CFAP47: variants seen among roughly 807,000 people sequenced by gnomAD.
CFAP47 encodes the protein cilia- and flagella-associated protein 47.
A neutral mutation model predicts 148.1 loss-of-function variants in CFAP47; 29 were observed. That is an observed-to-expected ratio of 0.20 (90% CI 0.15 to 0.27). CFAP47 has a LOEUF of 0.27. CFAP47 is among the 10% of genes least tolerant of loss of function. The probability of loss-of-function intolerance (pLI) is 1.00; values close to 1 mark genes in which losing one functional copy is unlikely to be tolerated. For synonymous variants in CFAP47, 664 were observed against 577.3 expected (o/e 1.15, Z -2.15); for missense variants, 1,872 against 1,697.5 (o/e 1.10, Z -1.81).
chrX:36,251,315 C>T lies in CFAP47; in HGVS notation c.7333-18C>T. On this transcript the variant is annotated intron_variant, in intron 48 of 63. Transcript: ENST00000378653. ...TGTTGATACTACATAATTCTTGTTTCTGAATTATCTCTTATAGGTAACTGC... is the reference window on the plus strand; with the variant it reads ...TGTTGATACTACATAATTCTTGTTTTTGAATTATCTCTTATAGGTAACTGC... 8.4e-6 allele frequency: 4 copies of T among 478,482 alleles called. No individual in the cohort carries two copies. The highest frequency in any genetic ancestry group is 2.4e-5 in the African/African-American group (1 of 42,011). The allele number at this position is 478,482 out of a possible 1,213,427, so 39.4% of individuals were successfully genotyped here. A position where few individuals can be genotyped will look rare whatever the true frequency, so the allele number is the denominator to read the frequency against.
intron 22 of CFAP47, among the ~76,000 whole-genome samples, chrX:36,023,181 A>C (rs1406766208): frequency 3.6e-5 from 4 of 112,650 alleles, no homozygotes; most frequent in Non-Finnish European, 7.5e-5. Flanking sequence ...GGGGCACCCC[A>C]AGCCCAATAA....
chrX:35,962,221 T>C (rs1601903048), intron 8 of CFAP47, among the ~76,000 whole-genome samples: 1 of 112,139 alleles, frequency 8.9e-6, no homozygotes, highest in African/African-American at 3.2e-5. Flanking sequence ...GAGGCTTATT[T>C]CACAGACTAA....
rs868480054 is a variant in CFAP47, at chrX:36,073,233, C to T, written c.4560C>T (p.Phe1520=). ...GSLEKEKYEQ[F]LSLEEGTKAH... is the part of the protein sequence containing the mutation. ...TGGAAAAGGAAAAATATGAACAATTCCTTTCTCTTGAGGAAGGAACAAAGG... is the reference window on the plus strand; with the variant it reads ...TGGAAAAGGAAAAATATGAACAATTTCTTTCTCTTGAGGAAGGAACAAAGG... Residue 1520 remains phenylalanine, a synonymous_variant, in exon 29 of 64, where the codon TTC becomes TTT. Transcript: ENST00000378653. 1.7e-6 allele frequency: 2 copies of T among 1,208,575 alleles called. No homozygotes were observed. Among genetic ancestry groups the T allele is most frequent in the Admixed American group, 2.2e-5 (1 of 45,918 alleles).
chrX:36,122,595 G>A (rs1051648088), intron 33 of CFAP47, among the ~76,000 whole-genome samples: 3 of 111,286 alleles, frequency 2.7e-5, no homozygotes, highest in African/African-American at 9.8e-5. Flanking sequence ...GGACTTTGAT[G>A]TATTTTTTAG....
intron 33 of CFAP47, among the ~76,000 whole-genome samples, chrX:36,122,933 G>A (rs1471521811): frequency 9.0e-6 from 1 of 111,326 alleles, no homozygotes; most frequent in Non-Finnish European, 1.9e-5. Flanking sequence ...GGGCTTGTTT[G>A]TACCCATACT....
At chrX:36,366,462 G>T (rs1315365577) in intron 61 of CFAP47, among the ~76,000 whole-genome samples, 2 of 111,969 alleles carry the variant, frequency 1.8e-5, no homozygotes, top group Non-Finnish European at 3.8e-5. Flanking sequence ...TTTAAAAACT[G>T]CCATTTAAGT....
chrX:35,929,190 A>T (rs1229360482), intron 2 of CFAP47, among the ~76,000 whole-genome samples: 1 of 111,718 alleles, frequency 9.0e-6, no homozygotes, highest in Non-Finnish European at 1.9e-5. Context: ...CAAAAAAAAA[A>T]TAACTTGCTG....
intron 58 of CFAP47, among the ~76,000 whole-genome samples, chrX:36,348,923 A>G (rs1221395895): frequency 5.4e-5 from 6 of 111,663 alleles, no homozygotes; most frequent in African/African-American, 1.6e-4. Flanking sequence ...TTTGTCCTAC[A>G]TGTGCATATT....
intron 60 of CFAP47, among the ~76,000 whole-genome samples, chrX:36,355,651 TACTC>T (rs1396773562): frequency 2.7e-5 from 3 of 111,616 alleles, no homozygotes; most frequent in African/African-American, 9.7e-5. Flanking sequence ...AAATTTGAAA[TACTC>T]AATCTCATAG....
rs1935873821 is a variant in CFAP47, at chrX:35,934,142, T to A, written c.402-7141T>A. Among the ~76,000 whole-genome samples the A allele has an allele frequency of 3.6e-5, 4 of 111,311 alleles. No homozygotes were observed. The Admixed American group carries it at 3.8e-4, about 11-fold the overall frequency. On this transcript the variant is annotated intron_variant, in intron 2 of 63. Transcript: ENST00000378653. ...TGTGGGGTGCTACTCAAGAAATCTA[T>A]GCTCAGTCTAATGTTCTGAAGAGTT...
rs192155555 is a variant in CFAP47 at position 36,226,225 on chromosome X, A to C, written c.6818-2403A>C. Among the ~76,000 whole-genome samples the C allele has an allele frequency of 4.8e-4, 54 of 111,800 alleles. No homozygotes were observed. The East Asian group carries it at 0.015, about 31-fold the overall frequency. On this transcript the variant is annotated intron_variant, in intron 45 of 63. Coordinates refer to ENST00000378653, the MANE Select transcript of CFAP47 (RefSeq NM_001304548.2). ...CAAGGAGGAAGTCACACATATCCAT[A>C]AATCCATGCCCTTTAAGGCATACTT...
intron 2 of CFAP47, among the ~76,000 whole-genome samples, chrX:35,938,399 G>T (rs1040381850): frequency 9.0e-5 from 10 of 110,887 alleles, no homozygotes; most frequent in African/African-American, 2.9e-4. Context: ...AAATATACTT[G>T]CTATAGTCAT....
rs781862817 is a variant in CFAP47 at position 36,273,340 on chromosome X, G to A, written c.7445-7147G>A. 5.4e-5 allele frequency among the ~76,000 whole-genome samples: 6 copies of A among 111,513 alleles called. No homozygotes were observed. The South Asian group carries it at 2.2e-3, about 41-fold the overall frequency. On this transcript the variant is annotated intron_variant, in intron 49 of 63. Transcript: ENST00000378653. ...CACTTAATGTTTAGCAAAGAAACAA[G>A]TCTGTTTTTCAAAATTAAAACTTGT...
chrX:36,070,262 A>G (rs573397922), intron 27 of CFAP47, among the ~76,000 whole-genome samples: 1 of 111,729 alleles, frequency 9.0e-6, no homozygotes, highest in Non-Finnish European at 1.9e-5. Flanking sequence ...GGATAAATAC[A>G]TGTTTTAAAT....
At chrX:35,973,310 C>T (rs1048759760) in intron 13 of CFAP47, among the ~76,000 whole-genome samples, 1 of 110,763 alleles carries the variant, frequency 9.0e-6, no homozygotes, top group East Asian at 2.8e-4. Context: ...CTGCCTCAAC[C>T]TCCCGAGTAG....
chrX:36,104,666 T>G lies in CFAP47; in HGVS notation c.5295T>G (p.His1765Gln). 2.3e-6 allele frequency: 2 copies of G among 884,983 alleles called. No homozygotes were observed. Among genetic ancestry groups the G allele is most frequent in the East Asian group, 6.5e-5 (2 of 30,849 alleles). The allele number at this position is 884,983 out of a possible 1,213,427, so 72.9% of individuals were successfully genotyped here. A position where few individuals can be genotyped will look rare whatever the true frequency, so the allele number is the denominator to read the frequency against. ...WMNINYENTRHVIWKNCHKDV... is the reference protein window; with the variant it reads ...WMNINYENTRQVIWKNCHKDV... ...ACATAAATTATGAGAATACTCGACA[T>G]GTGATATGGAAAAACTGTCACAAAG... The change falls in exon 33 of 64, where the codon CAT becomes CAG. Residue 1765 changes from histidine (H) to glutamine (Q), a missense_variant. Transcript: ENST00000378653.
At chrX:36,010,904 A>G (rs1230630046) in intron 21 of CFAP47, among the ~76,000 whole-genome samples, 1 of 111,214 alleles carries the variant, frequency 9.0e-6, no homozygotes, top group African/African-American at 3.3e-5. Flanking sequence ...TCTTTTTCTA[A>G]TAAGTCCTAT....
chrX:36,306,599 G>A (rs1941351459), intron 54 of CFAP47, among the ~76,000 whole-genome samples, 173 bp from the exon 55 acceptor site: 2 of 110,875 alleles, frequency 1.8e-5, no homozygotes, highest in African/African-American at 6.6e-5. Context: ...GGTTTAACAT[G>A]GGCCCTTTGA....
chrX:36,277,084 C>T (rs1556002833), intron 49 of CFAP47, among the ~76,000 whole-genome samples: 3 of 111,798 alleles, frequency 2.7e-5, no homozygotes, highest in Non-Finnish European at 5.6e-5. Context: ...CATACAATTT[C>T]TTACAGTATA....
Sources: allele counts gnomAD v4.1 joint callset (sites outside exome capture counted in the v4.1 genomes callset), GRCh38; gene constraint gnomAD v4.1.1; transcripts MANE v1.5; gene names NCBI Gene and HGNC (gene_info 2026-07-23, HGNC 2026-07-21).